The following RFX3 variants were observed in gnomAD, a reference collection of about 807,000 sequenced individuals.
RFX3 encodes transcription factor RFX3.
In RFX3, 14 loss-of-function variants were observed where a neutral mutation model predicts 98.6. That is an observed-to-expected ratio of 0.14 (90% CI 0.09 to 0.22). RFX3 has a LOEUF of 0.22. RFX3 is among the 10% of genes least tolerant of loss of function. The pLI is 1.00. For missense variants in RFX3, 639 were observed against 926.9 expected (o/e 0.69, Z 4.03); for synonymous variants, 383 against 328.4 (o/e 1.17, Z -1.80).
intron 15 of RFX3, chr9:3,247,324 T>C: frequency 2.0e-6 from 2 of 987,142 alleles, no homozygotes; most frequent in Non-Finnish European, 2.4e-6. Context: ...AAGAAGAGAA[T>C]TTTCCCCCTT....
chr9:3,299,911 C>T (rs1828439815), intron 5 of RFX3, among the ~76,000 whole-genome samples: 1 of 151,244 alleles, frequency 6.6e-6, no homozygotes, highest in African/African-American at 2.4e-5. Flanking sequence ...ACATATTTTA[C>T]TAAGTTATTC....
intron 2 of RFX3, among the ~76,000 whole-genome samples, chr9:3,353,111 A>G (rs868123151): frequency 2.0e-5 from 3 of 149,400 alleles, no homozygotes; most frequent in East Asian, 2.0e-4. Flanking sequence ...AAAACCAAAC[A>G]CGGCATGTTC....
chr9:3,316,324 G>C (rs1007651966), intron 4 of RFX3, among the ~76,000 whole-genome samples: 1 of 151,938 alleles, frequency 6.6e-6, no homozygotes. Context: ...AAAATTCAAT[G>C]GCCCTTCATG....
At chr9:3,379,477 C>T (rs1392339986) in intron 2 of RFX3, among the ~76,000 whole-genome samples, 2 of 151,912 alleles carry the variant, frequency 1.3e-5, no homozygotes, top group Non-Finnish European at 2.9e-5. Flanking sequence ...CATATTAAGA[C>T]TGGTTCTCTT....
chr9:3,345,010 A>G, intron 3 of RFX3: 2 of 573,364 alleles, frequency 3.5e-6, no homozygotes, highest in Non-Finnish European at 6.2e-6. Flanking sequence ...AAATGTAAAT[A>G]AAACAAAATG....
At chr9:3,236,590 T>C (rs1819181771) in intron 15 of RFX3, among the ~76,000 whole-genome samples, 1 of 152,204 alleles carries the variant, frequency 6.6e-6, no homozygotes, top group Non-Finnish European at 1.5e-5. Context: ...TGAGGATCCA[T>C]GCTGTGCAGA....
intron 2 of RFX3, among the ~76,000 whole-genome samples, chr9:3,361,663 A>C: frequency 9.7e-6 from 1 of 102,914 alleles, no homozygotes; most frequent in South Asian, 2.6e-4. Context: ...TTCTTTAGGA[A>C]AAAAAAAAAA....
intron 2 of RFX3, among the ~76,000 whole-genome samples, chr9:3,371,551 CA>C (rs1564002364): frequency 1.3e-5 from 2 of 152,130 alleles, no homozygotes; most frequent in African/African-American, 4.8e-5. Context: ...TGAAGTTTTA[CA>C]TGTGGCCAGA....
chr9:3,371,465 T>C (rs963019086), intron 2 of RFX3, among the ~76,000 whole-genome samples: 2 of 152,166 alleles, frequency 1.3e-5, no homozygotes, highest in African/African-American at 4.8e-5. Flanking sequence ...ATGCTATGAC[T>C]TTGGGGATAA....
chr9:3,507,604 G>A (rs1240687519), intron 1 of RFX3, among the ~76,000 whole-genome samples: 3 of 151,794 alleles, frequency 2.0e-5, no homozygotes, highest in African/African-American at 7.3e-5. Flanking sequence ...CCGTAACCAT[G>A]GGGAATTGGT....
chr9:3,346,238 T>C (rs556013789), intron 3 of RFX3, among the ~76,000 whole-genome samples: 4 of 152,304 alleles, frequency 2.6e-5, no homozygotes, highest in South Asian at 2.1e-4. Flanking sequence ...GAATATCTCA[T>C]TCTGAAAATG....
At chr9:3,373,536 A>G (rs1474021145) in intron 2 of RFX3, among the ~76,000 whole-genome samples, 1 of 152,150 alleles carries the variant, frequency 6.6e-6, no homozygotes. Flanking sequence ...CCTGGGCCTC[A>G]GTTTCCTCAG....
chr9:3,349,537 G>A (rs886643842), intron 2 of RFX3, among the ~76,000 whole-genome samples: 3 of 152,078 alleles, frequency 2.0e-5, no homozygotes, highest in Non-Finnish European at 4.4e-5. Context: ...TATTTGGACA[G>A]ATGACCCTCC....
chr9:3,399,428 G>A (rs934658840), intron 1 of RFX3, among the ~76,000 whole-genome samples: 2 of 151,436 alleles, frequency 1.3e-5, no homozygotes, highest in African/African-American at 4.8e-5. Flanking sequence ...TGGGCGACAA[G>A]ACCAAAACTC....
chr9:3,272,729 A>G (rs1369877439), intron 9 of RFX3, among the ~76,000 whole-genome samples: 5 of 152,186 alleles, frequency 3.3e-5, no homozygotes, highest in Non-Finnish European at 7.4e-5. Flanking sequence ...AGTTCTATAT[A>G]TGAGATTGCT....
At chr9:3,390,554 C>G (rs940148697) in intron 2 of RFX3, among the ~76,000 whole-genome samples, 4 of 152,164 alleles carry the variant, frequency 2.6e-5, no homozygotes, top group African/African-American at 9.7e-5. Context: ...CAAGCCTCAT[C>G]TTGAATTGTA....
intron 15 of RFX3, 165 bp downstream of exon 15, chr9:3,247,867 C>G (rs753768589): frequency 1.9e-6 from 3 of 1,608,688 alleles, no homozygotes; most frequent in Non-Finnish European, 2.5e-6. Context: ...CACATAAGAA[C>G]AGAGGAATTT....
chr9:3,229,835 A>AT (rs1402032790), intron 15 of RFX3, among the ~76,000 whole-genome samples: 1 of 152,160 alleles, frequency 6.6e-6, no homozygotes, highest in Non-Finnish European at 1.5e-5. Context: ...TGATAGGAGT[A>AT]TTTTTTTCAT....
At chr9:3,368,028 A>G (rs948436700) in intron 2 of RFX3, among the ~76,000 whole-genome samples, 7 of 152,218 alleles carry the variant, frequency 4.6e-5, no homozygotes, top group African/African-American at 1.2e-4. Flanking sequence ...CAATGTTTAC[A>G]AGAGAATTCA....
Sources: allele counts gnomAD v4.1 joint callset (sites outside exome capture counted in the v4.1 genomes callset), GRCh38; gene constraint gnomAD v4.1.1; transcripts MANE v1.5; gene names NCBI Gene and HGNC (gene_info 2026-07-23, HGNC 2026-07-21).